Variants in TPO observed in about 807,000 individuals in gnomAD.
The protein encoded by TPO is thyroid peroxidase, also known as thyroid microsomal antigen.
TPO carries 78 observed loss-of-function variants against 96.9 expected under a neutral mutation model. The observed-to-expected ratio is 0.81, with a 90% CI of 0.67 to 0.97. TPO has a LOEUF of 0.97. Ranked by LOEUF, TPO falls within the 50% of genes least tolerant of loss-of-function variation. The probability of loss-of-function intolerance (pLI) is 0.00; values close to 1 mark genes in which losing one functional copy is unlikely to be tolerated. For synonymous variants in TPO, 547 were observed against 538.0 expected, an observed-to-expected ratio of 1.02 and a Z score of -0.23; for missense variants, 1,252 against 1,274.8, an observed-to-expected ratio of 0.98 and a Z score of 0.27.
intron 15 of TPO, among the ~76,000 whole-genome samples, chr2:1,536,537 C>G (rs1179467575): frequency 4.6e-5 from 2 of 43,046 alleles, no homozygotes. Context: ...CTCCCCCACT[C>G]TGAGTAGCCT....
At chr2:1,431,137 G>A (rs779513113) in intron 3 of TPO, among the ~76,000 whole-genome samples, 2 of 152,078 alleles carry the variant, frequency 1.3e-5, no homozygotes, top group Non-Finnish European at 2.9e-5. Context: ...GTGAGGCCTG[G>A]TGAGAGGCGA....
intron 15 of TPO, among the ~76,000 whole-genome samples, chr2:1,519,360 G>A (rs1433319589): frequency 6.6e-6 from 1 of 152,186 alleles, no homozygotes; most frequent in Non-Finnish European, 1.5e-5. Flanking sequence ...GGTGCTGGAG[G>A]TCGTGCCACA....
chr2:1,479,192 G>T (rs77363812), intron 8 of TPO, among the ~76,000 whole-genome samples: 2 of 152,214 alleles, frequency 1.3e-5, no homozygotes, highest in East Asian at 3.9e-4. Context: ...CCGGCCACAC[G>T]CGTGGGGAGG....
At chr2:1,448,141 C>T (rs555322516) in intron 5 of TPO, among the ~76,000 whole-genome samples, 1 of 152,310 alleles carries the variant, frequency 6.6e-6, no homozygotes, top group South Asian at 2.1e-4. Flanking sequence ...CTCCTGCCTC[C>T]AGAGGTTTCC....
At chr2:1,376,532 C>A (rs1428403080) in intron 1 of TPO, among the ~76,000 whole-genome samples, 2 of 152,108 alleles carry the variant, frequency 1.3e-5, no homozygotes, top group African/African-American at 2.4e-5. Context: ...ACGGGGCATT[C>A]GCGGGAGCAC....
At chr2:1,490,775 C>T (rs1025408610) in intron 10 of TPO, among the ~76,000 whole-genome samples, 5 of 152,182 alleles carry the variant, frequency 3.3e-5, no homozygotes, top group Admixed American at 2.6e-4. Context: ...AAAAGAGAAA[C>T]GCTCATGTCT....
chr2:1,514,813 G>A (rs960786312), intron 14 of TPO, among the ~76,000 whole-genome samples: 30 of 152,302 alleles, frequency 2.0e-4, no homozygotes, highest in Middle Eastern at 6.8e-3. Context: ...TCTGCTGTGC[G>A]GCATCTGGCC....
chr2:1,516,969 G>T lies in TPO; in HGVS notation c.2605G>T (p.Val869Leu), dbSNP rs1674782112. 1 of 1,613,822 alleles carries T rather than the reference G, an allele frequency of 6.2e-7. No individual in the cohort carries two copies. The highest frequency in any genetic ancestry group is 1.1e-5 in the South Asian group (1 of 91,084). ...IGGFAGLTST[V>L]ICRWTRTGTK... ...AGGCTTCGCAGGTCTCACCTCGACG[G>T]TGATTTGCAGGTGGTAAGTCCTTCA... Residue 869 changes from valine to leucine, a missense_variant, in exon 15 of 17, where the codon GTG becomes TTG. Val to Leu is a conservative substitution (Grantham distance 32). Coordinates refer to ENST00000329066, the MANE Select transcript of TPO (RefSeq NM_001206744.2).
intron 7 of TPO, among the ~76,000 whole-genome samples, chr2:1,458,101 A>G (rs981901654): frequency 4.0e-5 from 6 of 149,942 alleles, no homozygotes; most frequent in African/African-American, 1.5e-4. Flanking sequence ...ACGTGCGTTT[A>G]TGGCACATAA....
At chr2:1,429,280 G>A (rs1042484189) in intron 3 of TPO, among the ~76,000 whole-genome samples, 21 of 152,074 alleles carry the variant, frequency 1.4e-4, no homozygotes, top group East Asian at 5.8e-4. Flanking sequence ...CATGGTTGTC[G>A]GCTTCATGAG....
At chr2:1,527,442 C>T (rs1676853052) in intron 15 of TPO, among the ~76,000 whole-genome samples, 1 of 145,732 alleles carries the variant, frequency 6.9e-6, no homozygotes, top group African/African-American at 2.6e-5. Flanking sequence ...TGTGAGCAAC[C>T]TCCTCAAATA....
intron 15 of TPO, among the ~76,000 whole-genome samples, chr2:1,529,083 A>AACTGTGTTTAACCTCTCCAAATCCCCCC (rs1677347308): frequency 1.7e-5 from 1 of 57,682 alleles, no homozygotes; most frequent in Non-Finnish European, 3.1e-5. Context: ...AAATCCCCCC[A>AACTGTGTTTAACCTCTCCAAATCCCCCC]ACTGTGTTTA....
intron 2 of TPO, among the ~76,000 whole-genome samples, chr2:1,418,404 T>C (rs1451449864): frequency 8.5e-5 from 13 of 152,118 alleles, no homozygotes; most frequent in Admixed American, 8.5e-4. Context: ...GGAAAGATCT[T>C]GGCTGGTGCT....
intron 13 of TPO, 88 bp downstream of exon 13, chr2:1,496,853 C>A: frequency 1.3e-6 from 2 of 1,586,318 alleles, no homozygotes; most frequent in Non-Finnish European, 1.7e-6. Context: ...ATTTCTTCGC[C>A]AAAAGGTGCT....
intron 10 of TPO, 128 bp from the exon 11 acceptor site, chr2:1,493,674 A>C: frequency 9.1e-7 from 1 of 1,096,150 alleles, no homozygotes; most frequent in Non-Finnish European, 1.4e-6. Context: ...ACTGCCAGGC[A>C]GTGTCACAGG....
chr2:1,480,559 TACACACACACACAC>T lies in TPO; in HGVS notation c.1338+2988_1338+3001del, dbSNP rs3036105. On this transcript the variant is annotated intron_variant, in intron 8 of 16. Coordinates refer to ENST00000329066, the MANE Select transcript of TPO (RefSeq NM_001206744.2). ...CCCCTCTATCACCCCTCAAACCCCCTACACACACACACACACACACACACACACACACACACACA... is the reference window on the plus strand; with the variant it reads ...CCCCTCTATCACCCCTCAAACCCCCTACACACACACACACACACACACACA... Among the ~76,000 whole-genome samples, 163 of 44,362 alleles carry T rather than the reference TACACACACACACAC, an allele frequency of 3.7e-3. 3 individuals are homozygous for T. The highest frequency in any genetic ancestry group is 0.026 in the South Asian group (19 of 740). 29.1% of individuals were successfully genotyped at this position (44,362 alleles called of 152,430 possible).
At chr2:1,431,539 T>G (rs1401388824) in intron 3 of TPO, among the ~76,000 whole-genome samples, 2 of 152,244 alleles carry the variant, frequency 1.3e-5, no homozygotes, top group African/African-American at 4.8e-5. Flanking sequence ...TGCAAAATGA[T>G]GTTTTGATAT....
At position 1,423,045 on chromosome 2, in the gene TPO, G is replaced by T. The variant is rs1247327151; in HGVS notation, c.95G>T (p.Gly32Val). ...FISRGKELLW[G>V]KPEESRVSSV... ...GACTGTGTGACATTCTGTTCCGTAG[G>T]AAAGCCTGAGGAGTCTCGTGTCTCT... The change falls in exon 3 of 17, where the codon GGA (glycine) becomes GTA (valine). Residue 32 changes from glycine (G) to valine (V), a missense_variant and splice_region_variant. Coordinates refer to ENST00000329066, the MANE Select transcript of TPO (RefSeq NM_001206744.2). The T allele has an allele frequency of 6.2e-7, 1 of 1,614,164 alleles. No individual in the cohort carries two copies. Among genetic ancestry groups the T allele is most frequent in the Non-Finnish European group, 8.5e-7 (1 of 1,180,008 alleles).
At chr2:1,424,172 C>T (rs954570828) in intron 3 of TPO, among the ~76,000 whole-genome samples, 5 of 152,312 alleles carry the variant, frequency 3.3e-5, no homozygotes, top group Middle Eastern at 3.4e-3. Context: ...TCAATCAATA[C>T]GTGTCAGATT....
Sources: allele counts gnomAD v4.1 joint callset (sites outside exome capture counted in the v4.1 genomes callset), GRCh38; gene constraint gnomAD v4.1.1; transcripts MANE v1.5; gene names NCBI Gene and HGNC (gene_info 2026-07-23, HGNC 2026-07-21).